Variants in ROS1 observed in about 807,000 individuals in gnomAD.
ROS1 encodes ROS proto-oncogene 1, receptor tyrosine kinase.
ROS1 carries 263 observed loss-of-function variants against 273.5 expected under a neutral mutation model. That is an observed-to-expected ratio of 0.96 (90% CI 0.87 to 1.06). ROS1 has a LOEUF of 1.06. Among genes scored for constraint, ROS1 ranks in the 50% least tolerant of loss-of-function variants. ROS1 has a pLI of 0.00. For missense variants in ROS1, 2,833 were observed against 2,751.1 expected, an observed-to-expected ratio of 1.03 and a Z score of -0.67; for synonymous variants, 1,008 against 954.1, an observed-to-expected ratio of 1.06 and a Z score of -1.04.
chr6:117,320,049 T>G lies in ROS1; in HGVS notation c.5760-19A>C. 2 of 1,611,088 alleles carry G rather than the reference T, an allele frequency of 1.2e-6. No homozygotes were observed. The highest frequency in any genetic ancestry group is 1.7e-6 in the Non-Finnish European group (2 of 1,178,208). ...AAGAGTACTGTAAAATAGCAACATT[T>G]TTGTCTCCCCACCCTCCACATATAT... On this transcript the variant is annotated intron_variant, in intron 36 of 43. Coordinates refer to ENST00000368507, the MANE Select transcript of ROS1 (RefSeq NM_001378902.1).
In ROS1 at chr6:117,362,585, C is replaced by A; in HGVS notation, c.3366+18G>T. 1 of 1,606,536 alleles carries A rather than the reference C, an allele frequency of 6.2e-7. No individual in the cohort carries two copies. The highest frequency in any genetic ancestry group is 1.1e-5 in the South Asian group (1 of 89,652). On this transcript the variant is annotated intron_variant, in intron 22 of 43. Coordinates refer to ENST00000368507, the MANE Select transcript of ROS1 (RefSeq NM_001378902.1). ...GCCGCTATTAAGACTCTCATATCTT[C>A]TGTTTTCTCTCTCATACCTGGAAGG...
chr6:117,415,926 C>T (rs35921544), intron 3 of ROS1, among the ~76,000 whole-genome samples: 27,222 of 152,068 alleles, frequency 0.18, 2,541 homozygotes, highest in Non-Finnish European at 0.21. Flanking sequence ...TAATTGCACA[C>T]TAAAATTTGA....
At chr6:117,332,351 C>G (rs1777142675) in intron 32 of ROS1, among the ~76,000 whole-genome samples, 1 of 152,162 alleles carries the variant, frequency 6.6e-6, no homozygotes, top group Non-Finnish European at 1.5e-5. Context: ...AAAGTAAGTT[C>G]TTAGAGACCT....
rs1274693090 is a variant in ROS1, at chr6:117,425,825, T to A, written c.-169A>T. 1 of 635,964 alleles carries A rather than the reference T, an allele frequency of 1.6e-6. No homozygotes were observed. Among genetic ancestry groups the A allele is most frequent in the East Asian group, 3.1e-5 (1 of 32,162 alleles). The allele number at this position is 635,964 out of a possible 1,614,324, so 39.4% of individuals were successfully genotyped here. A position where few individuals can be genotyped will look rare whatever the true frequency, so the allele number is the denominator to read the frequency against. On this transcript the variant is annotated 5_prime_UTR_variant, in exon 1 of 44. An upstream open reading frame in the 5' UTR gains an earlier in-frame stop. Coordinates refer to ENST00000368507, the MANE Select transcript of ROS1 (RefSeq NM_001378902.1). Reference sequence around the variant, plus strand: ...CTTTTGAAATAATACTTAGCCTTTTTCATTTAGACCTTTGAATGCTTGAAA... The same window carrying A: ...CTTTTGAAATAATACTTAGCCTTTTACATTTAGACCTTTGAATGCTTGAAA...
chr6:117,394,874 A>G (rs1349047728), intron 9 of ROS1, 136 bp from the exon 10 acceptor site: 9 of 627,706 alleles, frequency 1.4e-5, no homozygotes, highest in Admixed American at 2.8e-5. Context: ...CTCTAATGGC[A>G]CTGGAGAATT....
Position 117,389,439 on chromosome 6 carries a change from A to C in ROS1, c.1697T>G (p.Leu566Arg). The C allele has an allele frequency of 3.1e-6, 5 of 1,614,202 alleles. No homozygotes were observed. Among genetic ancestry groups the C allele is most frequent in the Non-Finnish European group, 4.2e-6 (5 of 1,180,038 alleles). The change falls in exon 13 of 44, where the codon CTG becomes CGG. Residue 566 changes from leucine to arginine, a missense_variant. By Grantham distance (102) the Leu-to-Arg change is moderately radical. Transcript: ENST00000368507. ...IFGSSSQLHPLPGRPQELSVL... is the reference protein window; with the variant it reads ...IFGSSSQLHPRPGRPQELSVL... ...CGAAAGCTCCTGCGGGCGGCCTGGC[A>C]GAGGGTGCAGCTGGGAGGATGAGCC...
At chr6:117,335,266 G>A (rs952055375) in intron 32 of ROS1, among the ~76,000 whole-genome samples, 3 of 152,002 alleles carry the variant, frequency 2.0e-5, no homozygotes, top group East Asian at 3.9e-4. Flanking sequence ...CATCAGAGGA[G>A]TACAAATCAA....
chr6:117,340,819 T>C (rs1389339793), intron 31 of ROS1, among the ~76,000 whole-genome samples: 1 of 152,050 alleles, frequency 6.6e-6, no homozygotes, highest in Non-Finnish European at 1.5e-5. Flanking sequence ...TTTTTTTTCA[T>C]GGAAAACACC....
At chr6:117,300,884 C>G (rs1314497906) in intron 43 of ROS1, 90 bp downstream of exon 43, 1 of 1,017,858 alleles carries the variant, frequency 9.8e-7, no homozygotes, top group Non-Finnish European at 1.4e-6. Context: ...TTTTTGCCTA[C>G]CCCAAAATGC....
intron 43 of ROS1, among the ~76,000 whole-genome samples, chr6:117,298,996 A>G (rs1373504292): frequency 1.8e-5 from 1 of 54,152 alleles, no homozygotes; most frequent in African/African-American, 1.1e-4. Flanking sequence ...CACATAGGCA[A>G]GTATATATAT....
rs974581635 is a variant in ROS1 at position 117,338,992 on chromosome 6, G to A, written c.5062-1652C>T. Among the ~76,000 whole-genome samples the A allele has an allele frequency of 6.6e-5, 10 of 152,056 alleles. No individual in the cohort carries two copies. In the East Asian group the frequency reaches 7.7e-4, roughly 12 times the overall value. On this transcript the variant is annotated intron_variant, in intron 31 of 43. Coordinates refer to ENST00000368507, the MANE Select transcript of ROS1 (RefSeq NM_001378902.1). Reference sequence around the variant, plus strand: ...AAAAACACAATTTTAATGGACTTCCGTGAAAAAAATTACCAAACAAAATTA... The same window carrying A: ...AAAAACACAATTTTAATGGACTTCCATGAAAAAAATTACCAAACAAAATTA...
intron 6 of ROS1, 58 bp downstream of exon 6, chr6:117,404,222 A>T: frequency 8.7e-7 from 1 of 1,152,462 alleles, no homozygotes; most frequent in Non-Finnish European, 1.2e-6. Context: ...CTCCGTCTCA[A>T]AAAAAAAAAA....
At chr6:117,417,398 A>G (rs1366023984) in intron 2 of ROS1, among the ~76,000 whole-genome samples, 1 of 152,066 alleles carries the variant, frequency 6.6e-6, no homozygotes, top group African/African-American at 2.4e-5. Context: ...ACTAAAATCC[A>G]TCTGAGTTCA....
Position 117,356,906 on chromosome 6 carries a change from A to G in ROS1, c.3849T>C (p.Tyr1283=), listed in dbSNP as rs1240674495. The change falls in exon 26 of 44, where the codon TAT becomes TAC. Residue 1283 remains tyrosine, a synonymous_variant. Transcript: ENST00000368507. ...AGCCAAAATTGGAAACTTCTGTCCA[A>G]TACAAGCGACTATAGAGGAAAAAAA... is the stretch of plus-strand genomic sequence containing the variant. ...FSVYPLLSRL[Y]WTEVSNFGYQ... 6.2e-7 allele frequency: 1 copy of G among 1,612,686 alleles called. No individual in the cohort carries two copies. The highest frequency in any genetic ancestry group is 8.5e-7 in the Non-Finnish European group (1 of 1,179,334).
At chr6:117,391,733 A>G (rs1275009019) in intron 12 of ROS1, among the ~76,000 whole-genome samples, 1 of 152,156 alleles carries the variant, frequency 6.6e-6, no homozygotes, top group East Asian at 1.9e-4. Context: ...CTGGAGCAAG[A>G]TTTCTTGTTC....
rs1455327689 is a variant in ROS1, at chr6:117,395,459, A to G, written c.884-721T>C. Among the ~76,000 whole-genome samples the G allele has an allele frequency of 9.2e-5, 14 of 152,294 alleles. No individual in the cohort carries two copies. The East Asian group carries it at 2.7e-3, about 29-fold the overall frequency. ...TCAATACCCATTGGCACAGGCATGT[A>G]CAGATTAGAGTAAGGGGCAGTCAAG... On this transcript the variant is annotated intron_variant, in intron 9 of 43. Transcript: ENST00000368507.
At chr6:117,375,411 ATACCACCTGT>A (rs111303523) in intron 18 of ROS1, among the ~76,000 whole-genome samples, 26,967 of 152,062 alleles carry the variant, frequency 0.18, 2,606 homozygotes, top group South Asian at 0.32. Context: ...ATGTAACCAA[ATACCACCTGT>A]TCCCCAAAAA....
chr6:117,311,739 G>A (rs550897539), intron 39 of ROS1, among the ~76,000 whole-genome samples: 1 of 152,068 alleles, frequency 6.6e-6, no homozygotes, highest in Non-Finnish European at 1.5e-5. Flanking sequence ...TCATCTAAGA[G>A]AGTGAGTACA....
chr6:117,404,098 G>A (rs891163259), intron 6 of ROS1, among the ~76,000 whole-genome samples, 182 bp downstream of exon 6: 1 of 152,196 alleles, frequency 6.6e-6, no homozygotes, highest in Non-Finnish European at 1.5e-5. Flanking sequence ...AGCCGGGCGC[G>A]ATGGCGGGCG....
Sources: allele counts gnomAD v4.1 joint callset (sites outside exome capture counted in the v4.1 genomes callset), GRCh38; gene constraint gnomAD v4.1.1; transcripts MANE v1.5; gene names NCBI Gene and HGNC (gene_info 2026-07-23, HGNC 2026-07-21).